The following PAMR1 variants were observed in gnomAD, a reference collection of about 807,000 sequenced individuals.
PAMR1 encodes the protein inactive serine protease PAMR1.
A neutral mutation model predicts 81.8 loss-of-function variants in PAMR1; 88 were observed. That is an observed-to-expected ratio of 1.08 (90% CI 0.91 to 1.28). PAMR1 has a LOEUF of 1.28. Ranked by LOEUF, PAMR1 falls within the 50% of genes most tolerant of loss-of-function variation. The pLI is 0.00. For synonymous variants in PAMR1, 336 were observed against 345.3 expected (o/e 0.97, Z 0.30); for missense variants, 935 against 919.7 (o/e 1.02, Z -0.21).
At chr11:35,469,963 C>A (rs1686073975) in intron 5 of PAMR1, among the ~76,000 whole-genome samples, 1 of 152,100 alleles carries the variant, frequency 6.6e-6, no homozygotes, top group Non-Finnish European at 1.5e-5. Context: ...GAGTTACAGT[C>A]AGGCTTAAAG....
At chr11:35,434,371 A>C in intron 10 of PAMR1, 141 bp downstream of exon 10, 1 of 709,700 alleles carries the variant, frequency 1.4e-6, no homozygotes, top group East Asian at 2.6e-5. Flanking sequence ...TCAATATGAA[A>C]TAATGAACGC....
At chr11:35,439,595 T>A in intron 8 of PAMR1, 32 bp downstream of exon 8, 3 of 1,565,548 alleles carry the variant, frequency 1.9e-6, no homozygotes, top group Non-Finnish European at 1.8e-6. Context: ...CTCATTAGCC[T>A]TCAGGGCAGA....
chr11:35,441,780 A>C, intron 6 of PAMR1, 87 bp from the exon 7 acceptor site: 1 of 862,420 alleles, frequency 1.2e-6, no homozygotes, highest in Non-Finnish European at 1.8e-6. Context: ...CATTGAACTA[A>C]AAATACAATG....
intron 9 of PAMR1, among the ~76,000 whole-genome samples, chr11:35,435,525 A>T (rs1856021901): frequency 6.6e-6 from 1 of 152,144 alleles, no homozygotes; most frequent in South Asian, 2.1e-4. Flanking sequence ...CTCATTGCTT[A>T]ATAACAAGTA....
At chr11:35,506,930 C>T (rs1017071346) in intron 1 of PAMR1, among the ~76,000 whole-genome samples, 10 of 149,046 alleles carry the variant, frequency 6.7e-5, no homozygotes, top group Non-Finnish European at 1.3e-4. Flanking sequence ...AACTCTCTCT[C>T]GGATACCAAT....
chr11:35,481,033 C>G (rs535699055), intron 3 of PAMR1, among the ~76,000 whole-genome samples: 3 of 152,192 alleles, frequency 2.0e-5, no homozygotes, highest in Non-Finnish European at 4.4e-5. Context: ...AGGACATGAT[C>G]TCATTCCTTT....
chr11:35,518,562 T>A (rs539756143), intron 1 of PAMR1, among the ~76,000 whole-genome samples: 2 of 141,564 alleles, frequency 1.4e-5, no homozygotes, highest in Admixed American at 1.4e-4. Context: ...AAAAAGAGGC[T>A]CTGTGGTCAA....
chr11:35,501,923 T>C (rs924608588), intron 1 of PAMR1, among the ~76,000 whole-genome samples: 2 of 152,216 alleles, frequency 1.3e-5, no homozygotes, highest in African/African-American at 4.8e-5. Context: ...TTGATATATT[T>C]CCTTTTGGAT....
chr11:35,474,815 C>G (rs543852197), intron 3 of PAMR1, 71 bp from the exon 4 acceptor site: 287 of 1,005,564 alleles, frequency 2.9e-4, no homozygotes, highest in Non-Finnish European at 4.1e-4. Context: ...AAGGTCTCAA[C>G]GAGACTTTGA....
intron 6 of PAMR1, among the ~76,000 whole-genome samples, chr11:35,451,393 T>C (rs748355264): frequency 6.6e-6 from 1 of 152,232 alleles, no homozygotes. Context: ...CCAAGGAATA[T>C]AGCTATATTT....
chr11:35,434,832 A>C (rs1856002006), intron 9 of PAMR1, 28 bp from the exon 10 acceptor site: 2 of 1,599,818 alleles, frequency 1.3e-6, no homozygotes, highest in Admixed American at 1.7e-5. Context: ...GCTTAGTAAG[A>C]TAAACTCAGA....
chr11:35,489,342 A>C (rs554963139), intron 3 of PAMR1, among the ~76,000 whole-genome samples: 5 of 152,332 alleles, frequency 3.3e-5, no homozygotes, highest in Admixed American at 6.5e-5. Flanking sequence ...AGAATTTGAA[A>C]GGCAAACTCT....
intron 7 of PAMR1, among the ~76,000 whole-genome samples, chr11:35,440,141 T>G (rs1856134233): frequency 6.6e-6 from 1 of 152,248 alleles, no homozygotes; most frequent in Non-Finnish European, 1.5e-5. Context: ...TCCTCCATGT[T>G]CTTTCTCTGC....
intron 10 of PAMR1, among the ~76,000 whole-genome samples, chr11:35,434,145 C>T (rs180767291): frequency 2.0e-5 from 3 of 152,172 alleles, no homozygotes; most frequent in East Asian, 1.9e-4. Context: ...TCAGGCAGAG[C>T]CAGCCATTAA....
rs1259318024 is a variant in PAMR1, at chr11:35,434,649, G to C, written c.1489C>G (p.Arg497Gly). The change falls in exon 10 of 11, where the codon CGC (arginine) becomes GGC (glycine). Residue 497 changes from arginine to glycine, a missense_variant. Coordinates refer to ENST00000619888, the MANE Select transcript of PAMR1 (RefSeq NM_001001991.3). Reference protein sequence around the residue: ...LVCSGALVNERTVVVAAHCVT... With the variant: ...LVCSGALVNEGTVVVAAHCVT... Reference sequence around the variant, plus strand: ...CAGTGGGCAGCCACCACCACAGTGCGCTCATTCACCAGGGCACCGCTGCAG... The same window carrying C: ...CAGTGGGCAGCCACCACCACAGTGCCCTCATTCACCAGGGCACCGCTGCAG... 1 of 1,614,094 alleles carries C rather than the reference G, an allele frequency of 6.2e-7. No individual in the cohort carries two copies. The highest frequency in any genetic ancestry group is 1.3e-5 in the African/African-American group (1 of 75,010).
At chr11:35,515,110 A>C (rs1851138912) in intron 1 of PAMR1, among the ~76,000 whole-genome samples, 2 of 152,212 alleles carry the variant, frequency 1.3e-5, no homozygotes, top group African/African-American at 4.8e-5. Context: ...TATACCCTAA[A>C]AATCCAATCT....
chr11:35,486,425 G>C (rs1473701324), intron 3 of PAMR1, among the ~76,000 whole-genome samples: 1 of 152,178 alleles, frequency 6.6e-6, no homozygotes, highest in Admixed American at 6.5e-5. Flanking sequence ...GACCATGCCC[G>C]TCTGGCTTAT....
At chr11:35,444,571 T>C (rs969221687) in intron 6 of PAMR1, among the ~76,000 whole-genome samples, 8 of 152,186 alleles carry the variant, frequency 5.3e-5, no homozygotes, top group Non-Finnish European at 7.4e-5. Flanking sequence ...GCCTAGCCAG[T>C]TCTCCCAGTA....
rs1197358632 is a variant in PAMR1, at chr11:35,515,646, AC to A, written c.73+9866del. 9.9e-5 allele frequency among the ~76,000 whole-genome samples: 15 copies of A among 152,188 alleles called. No individual in the cohort carries two copies. In the South Asian group the frequency reaches 3.1e-3, roughly 32 times the overall value. ...TGGGGTGGAGCATCATTAGCCCAGA[AC>A]CACCTGTTCTATAAGACATTATCCC... is the stretch of plus-strand genomic sequence containing the variant. On this transcript the variant is annotated intron_variant, in intron 1 of 10. Coordinates refer to ENST00000619888, the MANE Select transcript of PAMR1 (RefSeq NM_001001991.3).
Sources: allele counts gnomAD v4.1 joint callset (sites outside exome capture counted in the v4.1 genomes callset), GRCh38; gene constraint gnomAD v4.1.1; transcripts MANE v1.5; gene names NCBI Gene and HGNC (gene_info 2026-07-23, HGNC 2026-07-21).